The following ZFYVE9 variants were observed in gnomAD, a reference collection of about 807,000 sequenced individuals.
ZFYVE9 encodes zinc finger FYVE-type containing 9.
In ZFYVE9, 43 loss-of-function variants were observed where a neutral mutation model predicts 126.7. That is an observed-to-expected ratio of 0.34 (90% CI 0.27 to 0.44). ZFYVE9 has a LOEUF of 0.44. Ranked by LOEUF, ZFYVE9 falls within the 20% of genes least tolerant of loss-of-function variation. The pLI is 1.00. For synonymous variants in ZFYVE9, 521 were observed against 597.4 expected (o/e 0.87, Z 1.87); for missense variants, 1,476 against 1,697.0 (o/e 0.87, Z 2.29).
At chr1:52,180,436 C>G (rs1644687339) in intron 1 of ZFYVE9, 3 of 1,385,630 alleles carry the variant, frequency 2.2e-6, no homozygotes, top group Admixed American at 1.7e-5. Context: ...CTGTCTGAAT[C>G]TGGAGCAATT....
chr1:52,270,716 C>T (rs1645683987), intron 7 of ZFYVE9, among the ~76,000 whole-genome samples: 1 of 150,416 alleles, frequency 6.6e-6, no homozygotes, highest in Non-Finnish European at 1.5e-5. Context: ...AGTTCTCTCT[C>T]TTTTTTAAAG....
chr1:52,259,625 TAAAAAAAAAAAA>T (rs541679465), intron 4 of ZFYVE9, among the ~76,000 whole-genome samples: 3 of 84,170 alleles, frequency 3.6e-5, no homozygotes, highest in Non-Finnish European at 7.3e-5. Context: ...CTGTCTCTAC[TAAAAAAAAAAAA>T]AAAAAAAAAA....
At chr1:52,287,235 C>A (rs968771490) in intron 10 of ZFYVE9, among the ~76,000 whole-genome samples, 6 of 152,046 alleles carry the variant, frequency 3.9e-5, no homozygotes, top group Non-Finnish European at 8.8e-5. Context: ...CAAGTAGCTC[C>A]CAAGTAACTG....
Position 52,287,979 on chromosome 1 carries a change from C to T in ZFYVE9, c.3026-5474C>T, listed in dbSNP as rs1569677092. ...ATTGTAGTTTTGCAAAGTAACTTTT[C>T]AACTGATGAGAAAGTTATATGGAAC... On this transcript the variant is annotated intron_variant, in intron 10 of 18. Transcript: ENST00000287727. Among the ~76,000 whole-genome samples the T allele has an allele frequency of 2.0e-5, 3 of 152,234 alleles. No individual in the cohort carries two copies. In the South Asian group the frequency reaches 6.2e-4, roughly 32 times the overall value.
chr1:52,237,942 A>G lies in ZFYVE9; in HGVS notation c.525A>G (p.Gln175=), dbSNP rs749580771. 3.1e-6 allele frequency: 5 copies of G among 1,613,946 alleles called. No homozygotes were observed. The highest frequency in any genetic ancestry group is 2.2e-5 in the East Asian group (1 of 44,888). ...DLQDCNNYNS[Q]SLMDAFSCSL... ...AGGATTGTAATAATTATAATAGTCA[A>G]TCCCTTATGGATGCTTTTAGCTGTT... Residue 175 remains glutamine, a synonymous_variant, in exon 4 of 19, where the codon CAA becomes CAG. Coordinates refer to ENST00000287727, the MANE Select transcript of ZFYVE9 (RefSeq NM_004799.4).
At chr1:52,222,813 T>G (rs543091892) in intron 2 of ZFYVE9, among the ~76,000 whole-genome samples, 1 of 152,222 alleles carries the variant, frequency 6.6e-6, no homozygotes, top group Non-Finnish European at 1.5e-5. Flanking sequence ...TTTAAGGAAG[T>G]AAGTTTTCCC....
Position 52,163,276 on chromosome 1 carries a change from C to T in ZFYVE9, c.-143+20873C>T, listed in dbSNP as rs561003108. Among the ~76,000 whole-genome samples, 271 of 152,328 alleles carry T rather than the reference C, an allele frequency of 1.8e-3. 1 individual carries two copies. The Middle Eastern group carries it at 0.031, about 17-fold the overall frequency. On this transcript the variant is annotated intron_variant, in intron 1 of 18. Transcript: ENST00000287727. ...TTTGGAAAAAACTCTTCAGTTTCTT[C>T]ATGAACATTAACTATGCCCTTGAAG...
chr1:52,344,370 G>T (rs181066771), intron 17 of ZFYVE9, among the ~76,000 whole-genome samples: 1 of 152,288 alleles, frequency 6.6e-6, no homozygotes, highest in East Asian at 1.9e-4. Flanking sequence ...AAAGCAGCTG[G>T]GTCACGTCAG....
chr1:52,330,299 C>T (rs1646329115), intron 13 of ZFYVE9, among the ~76,000 whole-genome samples: 1 of 152,152 alleles, frequency 6.6e-6, no homozygotes, highest in Non-Finnish European at 1.5e-5. Flanking sequence ...TCACTTGAAC[C>T]TGGGAGCTGG....
rs201858487 is a variant in ZFYVE9, at chr1:52,171,569, T to C, written c.-143+29166T>C. On this transcript the variant is annotated intron_variant, in intron 1 of 18. Transcript: ENST00000287727. The stretch of plus-strand genomic sequence containing the variant: ...TTCTAGTTCTAGATCCCTGAGGAAT[T>C]GCCACACTGACTTCCACAATGGTTG... 1.5e-3 allele frequency among the ~76,000 whole-genome samples: 229 copies of C among 152,172 alleles called. 8 individuals are homozygous for C. The East Asian group carries it at 0.027, about 18-fold the overall frequency.
At chr1:52,166,984 A>G (rs1392919129) in intron 1 of ZFYVE9, among the ~76,000 whole-genome samples, 1 of 152,260 alleles carries the variant, frequency 6.6e-6, no homozygotes, top group Non-Finnish European at 1.5e-5. Flanking sequence ...CTTTATAAAA[A>G]ATAATTCCCA....
intron 2 of ZFYVE9, among the ~76,000 whole-genome samples, chr1:52,225,305 T>TC (rs1429989897): frequency 6.6e-6 from 1 of 152,092 alleles, no homozygotes; most frequent in African/African-American, 2.4e-5. Context: ...GGGATGCGTC[T>TC]CCCCATGAAA....
intron 4 of ZFYVE9, among the ~76,000 whole-genome samples, chr1:52,250,179 T>C (rs576178510): frequency 1.3e-5 from 2 of 152,350 alleles, no homozygotes; most frequent in South Asian, 4.1e-4. Flanking sequence ...AGAGATTGCG[T>C]TGAATCTGTA....
intron 14 of ZFYVE9, among the ~76,000 whole-genome samples, chr1:52,334,354 T>C (rs1398496955): frequency 2.0e-5 from 3 of 152,184 alleles, no homozygotes; most frequent in Non-Finnish European, 4.4e-5. Flanking sequence ...TCAATAAAAT[T>C]TTATTTACAA....
intron 15 of ZFYVE9, among the ~76,000 whole-genome samples, chr1:52,335,574 C>T (rs1646380704): frequency 1.3e-5 from 2 of 152,156 alleles, no homozygotes; most frequent in African/African-American, 4.8e-5. Flanking sequence ...TTCAGGACTC[C>T]AAACATGAAT....
At chr1:52,267,258 C>G (rs1645643425) in intron 6 of ZFYVE9, among the ~76,000 whole-genome samples, 1 of 152,090 alleles carries the variant, frequency 6.6e-6, no homozygotes, top group South Asian at 2.1e-4. Flanking sequence ...GTATACATTG[C>G]CATTTTCTCT....
intron 12 of ZFYVE9, among the ~76,000 whole-genome samples, chr1:52,296,762 A>G (rs1422606951): frequency 6.6e-6 from 1 of 152,032 alleles, no homozygotes; most frequent in East Asian, 1.9e-4. Flanking sequence ...TACCACTTTG[A>G]CAATGTTCCA....
Position 52,309,727 on chromosome 1 carries a change from A to G in ZFYVE9, c.3438+5802A>G, listed in dbSNP as rs138103414. Among the ~76,000 whole-genome samples, 21 of 152,292 alleles carry G rather than the reference A, an allele frequency of 1.4e-4. No homozygotes were observed. In the East Asian group the frequency reaches 2.1e-3, roughly 15 times the overall value. ...ATATGATAATTTATAAAGAGCTTTT[A>G]TAGGTTCTTAAGCAGAAAAAGTGAC... On this transcript the variant is annotated intron_variant, in intron 13 of 18. Transcript: ENST00000287727.
chr1:52,340,556 T>C (rs560765365), intron 17 of ZFYVE9, among the ~76,000 whole-genome samples: 35 of 152,328 alleles, frequency 2.3e-4, no homozygotes, highest in Non-Finnish European at 4.3e-4. Flanking sequence ...TCTGTACTTA[T>C]AAACTATTTT....
Sources: allele counts gnomAD v4.1 joint callset (sites outside exome capture counted in the v4.1 genomes callset), GRCh38; gene constraint gnomAD v4.1.1; transcripts MANE v1.5; gene names NCBI Gene and HGNC (gene_info 2026-07-23, HGNC 2026-07-21).